The following GYS1 variants were observed in gnomAD, a reference collection of about 807,000 sequenced individuals.
GYS1 encodes glycogen synthase 1.
GYS1 carries 60 observed loss-of-function variants against 89.1 expected under a neutral mutation model. That is an observed-to-expected ratio of 0.67 (90% CI 0.55 to 0.84). GYS1 has a LOEUF of 0.84. Ranked by LOEUF, GYS1 falls within the 40% of genes least tolerant of loss-of-function variation. The pLI, the probability that GYS1 is intolerant of heterozygous loss-of-function variation, is 0.00. For missense variants in GYS1, 888 were observed against 1,003.1 expected (o/e 0.89, Z 1.55); for synonymous variants, 366 against 401.7 (o/e 0.91, Z 1.06).
intron 12 of GYS1, among the ~76,000 whole-genome samples, chr19:48,972,129 A>G (rs2038575523): frequency 6.6e-6 from 1 of 151,732 alleles, no homozygotes; most frequent in Non-Finnish European, 1.5e-5. Flanking sequence ...AAGAAGAGAA[A>G]AAAAAAAAAA....
At chr19:48,976,762 CCTT>C (rs2038659875) in intron 10 of GYS1, among the ~76,000 whole-genome samples, 1 of 151,950 alleles carries the variant, frequency 6.6e-6, no homozygotes, top group African/African-American at 2.4e-5. Context: ...TCTTTCTTTT[CCTT>C]CTTTCGTGTG....
chr19:48,984,692 C>A (rs1307785094), intron 5 of GYS1, among the ~76,000 whole-genome samples: 1 of 152,038 alleles, frequency 6.6e-6, no homozygotes, highest in African/African-American at 2.4e-5. Context: ...CTGCGCCCAG[C>A]CTATTCAACA....
chr19:48,989,910 A>G (rs939681770), intron 2 of GYS1, among the ~76,000 whole-genome samples: 6 of 147,470 alleles, frequency 4.1e-5, no homozygotes, highest in Non-Finnish European at 8.9e-5. Flanking sequence ...GTGGAGAAGC[A>G]GCCCCGCTCC....
rs5455 is a variant in GYS1, at chr19:48,987,362, G to A, written c.324C>T (p.Ile108=). 8.1e-6 allele frequency: 13 copies of A among 1,607,812 alleles called. No homozygotes were observed. Among genetic ancestry groups the A allele is most frequent in the East Asian group, 6.7e-5 (3 of 44,718 alleles). ...GGAGCACCACCAGAGGGCCTCCCTC[G>A]ATCAGCCAGCGCCCGAAATACACCT... ...GCKVYFGRWL[I]EGGPLVVLLD... The change falls in exon 3 of 16, where the codon ATC becomes ATT. Residue 108 remains isoleucine, a synonymous_variant. Coordinates refer to ENST00000323798, the MANE Select transcript of GYS1 (RefSeq NM_002103.5).
intron 2 of GYS1, among the ~76,000 whole-genome samples, chr19:48,990,555 T>C (rs889711514): frequency 1.3e-5 from 2 of 152,156 alleles, no homozygotes; most frequent in African/African-American, 2.4e-5. Flanking sequence ...ATAATGACGA[T>C]GATCATAACA....
At chr19:48,989,795 T>C (rs2038894599) in intron 2 of GYS1, among the ~76,000 whole-genome samples, 1 of 152,142 alleles carries the variant, frequency 6.6e-6, no homozygotes, top group African/African-American at 2.4e-5. Flanking sequence ...GCCACTGCCG[T>C]GTTTCTAAGA....
rs75138607 is a variant in GYS1, at chr19:48,978,844, T to A, written c.1170-687A>T. On this transcript the variant is annotated intron_variant, in intron 8 of 15. Transcript: ENST00000323798. Reference sequence around the variant, plus strand: ...GCTGCCGCGCCCAGCTACCCTTAGGTTTCTAGGATAGCAAGGAAACTGAGG... The same window carrying A: ...GCTGCCGCGCCCAGCTACCCTTAGGATTCTAGGATAGCAAGGAAACTGAGG... Among the ~76,000 whole-genome samples, 443 of 152,020 alleles carry A rather than the reference T, an allele frequency of 2.9e-3. 1 individual carries two copies. The highest frequency in any genetic ancestry group is 9.8e-3 in the African/African-American group (406 of 41,436).
In GYS1 at chr19:48,970,542, C is replaced by G. The variant is rs1032583213; in HGVS notation, c.1809+4G>C. 1 of 1,612,978 alleles carries G rather than the reference C, an allele frequency of 6.2e-7. No homozygotes were observed. The highest frequency in any genetic ancestry group is 8.5e-7 in the Non-Finnish European group (1 of 1,179,546). On this transcript the variant is annotated splice_donor_region_variant and intron_variant, in intron 14 of 15. Coordinates refer to ENST00000323798, the MANE Select transcript of GYS1 (RefSeq NM_002103.5). ...AGGAGAGGATAGGAAAGTGGGGGTC[C>G]TACCCGGCCTAGGTATTTCCAGTCC...
At chr19:48,974,397 C>G in intron 11 of GYS1, 58 bp from the exon 12 acceptor site, 1 of 1,580,670 alleles carries the variant, frequency 6.3e-7, no homozygotes, top group Non-Finnish European at 8.7e-7. Flanking sequence ...GCCCTGAGAT[C>G]CCAAGGTGGC....
chr19:48,974,339 C>G lies in GYS1; in HGVS notation c.1423G>C (p.Val475Leu), dbSNP rs749115282. 7 of 1,613,990 alleles carry G rather than the reference C, an allele frequency of 4.3e-6. No homozygotes were observed. The highest frequency in any genetic ancestry group is 1.6e-4 in the Middle Eastern group (1 of 6,062). The change falls in exon 12 of 16, where the codon GTG becomes CTG. Residue 475 changes from valine to leucine, a missense_variant and splice_region_variant. Val to Leu is a conservative substitution (Grantham distance 32, BLOSUM62 1). Coordinates refer to ENST00000323798, the MANE Select transcript of GYS1 (RefSeq NM_002103.5). ...GAGAGGAACTCCGGGTGGAAAATCA[C>G]CTGGTAGTGAAAAAGAAGGACTCAG... The part of the protein sequence containing the change: ...LFNSSADRVK[V>L]IFHPEFLSST...
intron 15 of GYS1, 74 bp downstream of exon 15, chr19:48,969,701 C>A: frequency 6.3e-7 from 1 of 1,576,214 alleles, no homozygotes; most frequent in Admixed American, 1.7e-5. Flanking sequence ...CCTTCCCACT[C>A]CAGGAGGGAC....
chr19:48,980,595 G>A (rs1322931445), intron 8 of GYS1, among the ~76,000 whole-genome samples: 2 of 151,780 alleles, frequency 1.3e-5, no homozygotes, highest in African/African-American at 4.8e-5. Context: ...CTGGGAGGCG[G>A]AGGTTACAGT....
intron 14 of GYS1, among the ~76,000 whole-genome samples, chr19:48,970,076 A>C (rs139854086): frequency 6.6e-6 from 1 of 152,092 alleles, no homozygotes; most frequent in Non-Finnish European, 1.5e-5. Context: ...TTCTCAAGTG[A>C]GTCTCCTCTT....
intron 5 of GYS1, among the ~76,000 whole-genome samples, 161 bp from the exon 6 acceptor site, chr19:48,982,998 G>GT (rs1174475792): frequency 1.3e-5 from 2 of 151,936 alleles, no homozygotes; most frequent in Non-Finnish European, 2.9e-5. Context: ...TTGTTTGTTT[G>GT]TTTTTGGAGA....
At chr19:48,992,317 GAC>G (rs1461809052) in intron 1 of GYS1, among the ~76,000 whole-genome samples, 1 of 152,090 alleles carries the variant, frequency 6.6e-6, no homozygotes, top group Non-Finnish European at 1.5e-5. Context: ...TGAAGCCCAA[GAC>G]ACAGAAATGC....
Position 48,969,099 on chromosome 19 carries a change from T to C in GYS1, c.*189A>G. On this transcript the variant is annotated 3_prime_UTR_variant, in exon 16 of 16. Transcript: ENST00000323798. ...TCTGGAGCCAGAGAAAGGCACGGCTTTGTGGATTCTGGAGTGCAGGAACTT... is the reference window on the plus strand; with the variant it reads ...TCTGGAGCCAGAGAAAGGCACGGCTCTGTGGATTCTGGAGTGCAGGAACTT... The C allele has an allele frequency of 3.1e-6, 2 of 635,316 alleles. No homozygotes were observed. The highest frequency in any genetic ancestry group is 5.6e-6 in the Non-Finnish European group (2 of 360,348). 39.4% of individuals were successfully genotyped at this position (635,316 alleles called of 1,614,324 possible).
intron 6 of GYS1, 115 bp from the exon 7 acceptor site, chr19:48,982,490 C>T: frequency 8.1e-7 from 1 of 1,239,362 alleles, no homozygotes; most frequent in Non-Finnish European, 1.2e-6. Context: ...TTAGGTAATA[C>T]AGAGGCATCA....
rs1325730592 is a variant in GYS1, at chr19:48,979,331, CTTTTCTTTTTTTTTTTTTTTTTTT to C, written c.1170-1198_1170-1175del. On this transcript the variant is annotated intron_variant, in intron 8 of 15. Transcript: ENST00000323798. Reference sequence around the variant, plus strand: ...CTTTCTTTGTCTCTTTTTCTTTTTTCTTTTCTTTTTTTTTTTTTTTTTTTTTTTTTTTTTTTTTTTTTTTTTGAG... The same window carrying C: ...CTTTCTTTGTCTCTTTTTCTTTTTTCTTTTTTTTTTTTTTTTTTTTTTGAG... Among the ~76,000 whole-genome samples, 23 of 46,376 alleles carry C rather than the reference CTTTTCTTTTTTTTTTTTTTTTTTT, an allele frequency of 5.0e-4. No individual in the cohort carries two copies. In the South Asian group the frequency reaches 6.1e-3, roughly 12 times the overall value. The allele number at this position is 46,376 out of a possible 152,430, so 30.4% of individuals were successfully genotyped here.
At chr19:48,970,330 G>A in intron 14 of GYS1, 2 of 566,100 alleles carry the variant, frequency 3.5e-6, no homozygotes, top group Middle Eastern at 4.8e-4. Context: ...TGTTGCCCAG[G>A]CTGGTCTCTT....
Sources: allele counts gnomAD v4.1 joint callset (sites outside exome capture counted in the v4.1 genomes callset), GRCh38; gene constraint gnomAD v4.1.1; transcripts MANE v1.5; gene names NCBI Gene and HGNC (gene_info 2026-07-23, HGNC 2026-07-21).